Variants in SLC6A9 observed in about 807,000 individuals in gnomAD.
SLC6A9 encodes sodium- and chloride-dependent glycine transporter 1.
In SLC6A9, 31 loss-of-function variants were observed where a neutral mutation model predicts 70.9. That is an observed-to-expected ratio of 0.44 (90% CI 0.33 to 0.59). The LOEUF (loss-of-function observed/expected upper bound fraction) is 0.59, where lower values mean the gene tolerates loss of function less well. Among genes scored for constraint, SLC6A9 ranks in the 20% least tolerant of loss-of-function variants. SLC6A9 has a pLI of 0.04. For missense variants in SLC6A9, 631 were observed against 845.2 expected, an observed-to-expected ratio of 0.75 and a Z score of 3.14; for synonymous variants, 310 against 341.3, an observed-to-expected ratio of 0.91 and a Z score of 1.01.
Position 44,000,967 on chromosome 1 carries a change from A to C in SLC6A9, c.1424T>G (p.Met475Arg). ...GCTCGAGTGCTCACCGTAGATGTACATGATGGCCACACACATGATGCAGGA... is the reference window on the plus strand; with the variant it reads ...GCTCGAGTGCTCACCGTAGATGTACCTGATGGCCACACACATGATGCAGGA... ...VISCIMCVAI[M>R]YIYGHRNYFQ... Residue 475 changes from methionine to arginine, a missense_variant, in exon 11 of 14, where the codon ATG becomes AGG. Transcript: ENST00000372310. 1 of 1,599,790 alleles carries C rather than the reference A, an allele frequency of 6.3e-7. No individual in the cohort carries two copies. Among genetic ancestry groups the C allele is most frequent in the East Asian group, 2.2e-5 (1 of 44,676 alleles).
chr1:44,022,752 T>C (rs2086911374), intron 2 of SLC6A9, among the ~76,000 whole-genome samples: 1 of 125,666 alleles, frequency 8.0e-6, no homozygotes, highest in Admixed American at 9.7e-5. Flanking sequence ...AGAGCCCTGC[T>C]CTATTGCCCA....
chr1:44,017,469 G>A, intron 2 of SLC6A9: 2 of 729,540 alleles, frequency 2.7e-6, no homozygotes, highest in Non-Finnish European at 3.7e-6. Context: ...ACCAGACGCT[G>A]TCTGAGCCCA....
rs11805054 is a variant in SLC6A9 at position 44,018,396 on chromosome 1, A to C, written c.30+5852T>G. ...TCACAAGGTCAGGAGTTTGAGACCA[A>C]CCTGACCAACATGGTGAGACCAACC... On this transcript the variant is annotated intron_variant, in intron 2 of 13. Transcript: ENST00000372310. The surrounding 1 kb of genome is among the most constrained non-coding windows in gnomAD (Gnocchi z 4.2). 0.043 allele frequency among the ~76,000 whole-genome samples: 6,598 copies of C among 151,984 alleles called. 467 individuals carry two copies. Among genetic ancestry groups the C allele is most frequent in the African/African-American group, 0.15 (6,283 of 41,390 alleles).
Position 44,013,620 on chromosome 1 carries a change from G to T in SLC6A9, c.31-2738C>A, listed in dbSNP as rs370058545. Among the ~76,000 whole-genome samples the T allele has an allele frequency of 6.6e-6, 1 of 152,150 alleles. No individual in the cohort carries two copies. The highest frequency in any genetic ancestry group is 2.4e-5 in the African/African-American group (1 of 41,440). On this transcript the variant is annotated intron_variant, in intron 2 of 13. Coordinates refer to ENST00000372310, the MANE Select transcript of SLC6A9 (RefSeq NM_001024845.3). The surrounding 1 kb of genome is among the most constrained non-coding windows in gnomAD (Gnocchi z 5.3). ...TGGGCCTGGGTCCCAGCACTGTGGC[G>T]CTCGACCACGGGAATCTGGCCCAGG...
chr1:44,003,748 CAAAA>C (rs34308293), intron 5 of SLC6A9, among the ~76,000 whole-genome samples: 14 of 71,960 alleles, frequency 1.9e-4, no homozygotes, highest in African/African-American at 7.9e-4. Context: ...AGTCCAATCT[CAAAA>C]AAAAAAAAAA....
Position 44,002,351 on chromosome 1 carries a change from G to A in SLC6A9, c.924C>T (p.Thr308=), listed in dbSNP as rs147301597. The A allele has an allele frequency of 3.1e-6, 5 of 1,614,020 alleles. No individual in the cohort carries two copies. The African/African-American group carries it at 5.3e-5, about 17-fold the overall frequency. Residue 308 remains threonine, a synonymous_variant, in exon 8 of 14, where the codon ACC becomes ACT. Coordinates refer to ENST00000372310, the MANE Select transcript of SLC6A9 (RefSeq NM_001024845.3). The surrounding 1 kb of genome is among the most constrained non-coding windows in gnomAD (Gnocchi z 5.5). ...TGTGGAACTTGTTGTAGGAAGCCAT[G>A]GTGATGAGGCCTCCCCACGCGCAGC... ...SLGCAWGGLI[T]MASYNKFHNN... is the part of the protein sequence containing the mutation.
rs536919484 is a variant in SLC6A9 at position 44,028,522 on chromosome 1, G to A, written c.-86+2784C>T. Among the ~76,000 whole-genome samples the A allele has an allele frequency of 2.7e-3, 412 of 152,304 alleles. 1 individual carries two copies. The highest frequency in any genetic ancestry group is 9.3e-3 in the African/African-American group (387 of 41,552). ...TGTAATCCCAGCACTTTGGGAGGCC[G>A]AGGTGGGTGGATCACCTGAGGTCAG... On this transcript the variant is annotated intron_variant, in intron 1 of 13. Coordinates refer to ENST00000372310, the MANE Select transcript of SLC6A9 (RefSeq NM_001024845.3).
rs909492729 is a variant in SLC6A9 at position 44,013,430 on chromosome 1, G to A, written c.31-2548C>T. Among the ~76,000 whole-genome samples the A allele has an allele frequency of 2.0e-5, 3 of 152,232 alleles. No individual in the cohort carries two copies. Among genetic ancestry groups the A allele is most frequent in the Admixed American group, 6.5e-5 (1 of 15,280 alleles). ...CCAGCCACTGCTCCGTTAATGAGCC[G>A]TGTGCTAACCAGCTTAGCCGTGCGG... On this transcript the variant is annotated intron_variant, in intron 2 of 13. Coordinates refer to ENST00000372310, the MANE Select transcript of SLC6A9 (RefSeq NM_001024845.3). This position sits in a 1 kb window ranked among gnomAD's most constrained non-coding sequence, Gnocchi z 5.3.
Position 44,001,248 on chromosome 1 carries a change from A to AT in SLC6A9, c.1250dup (p.Asn417LysfsTer2), listed in dbSNP as rs1464993416. ...AGGTCTTTTTCTGCAGGATCCACTC[A>AT]TTCCCCACCTCATCCACAATGGCTG... On this transcript the variant is annotated frameshift_variant, in exon 10 of 14. Transcript: ENST00000372310. LOFTEE classifies it high-confidence loss of function. 1 of 1,614,040 alleles carries AT rather than the reference A, an allele frequency of 6.2e-7. No homozygotes were observed. The highest frequency in any genetic ancestry group is 8.5e-7 in the Non-Finnish European group (1 of 1,180,028).
At position 44,013,069 on chromosome 1, in the gene SLC6A9, G is replaced by A. The variant is rs2086627549; in HGVS notation, c.31-2187C>T. ...TCTGTCCCAGGGTTGTTTACTTAGGGGCACAATGCCTGATTGTGCCAGCAG... is the reference window on the plus strand; with the variant it reads ...TCTGTCCCAGGGTTGTTTACTTAGGAGCACAATGCCTGATTGTGCCAGCAG... On this transcript the variant is annotated intron_variant, in intron 2 of 13. Transcript: ENST00000372310. The surrounding 1 kb of genome is among the most constrained non-coding windows in gnomAD (Gnocchi z 5.3). Among the ~76,000 whole-genome samples the A allele has an allele frequency of 6.6e-6, 1 of 152,166 alleles. No homozygotes were observed. The highest frequency in any genetic ancestry group is 1.5e-5 in the Non-Finnish European group (1 of 68,028).
chr1:44,004,149 T>C (rs1035778652), intron 5 of SLC6A9, among the ~76,000 whole-genome samples: 2 of 147,250 alleles, frequency 1.4e-5, no homozygotes, highest in African/African-American at 5.0e-5. Context: ...TATGCACCAA[T>C]ACGCTGGGCT....
intron 2 of SLC6A9, 51 bp from the exon 3 acceptor site, chr1:44,010,933 C>T (rs1210150731): frequency 6.3e-7 from 1 of 1,596,968 alleles, no homozygotes; most frequent in Admixed American, 1.7e-5. Context: ...GTGCTCCATG[C>T]CTGACCCTCT....
intron 1 of SLC6A9, chr1:44,030,615 G>T (rs568451612): frequency 6.6e-6 from 1 of 152,572 alleles, no homozygotes; most frequent in South Asian, 2.1e-4. Flanking sequence ...AACCCCCAGA[G>T]AACTCCCGGC....
intron 1 of SLC6A9, among the ~76,000 whole-genome samples, chr1:44,029,466 C>T (rs1279875280): frequency 6.6e-6 from 1 of 152,152 alleles, no homozygotes; most frequent in East Asian, 1.9e-4. Context: ...TGCCTTTGCC[C>T]CGGCACCCGT....
chr1:44,016,713 T>C (rs1239792860), intron 2 of SLC6A9, among the ~76,000 whole-genome samples: 1 of 152,006 alleles, frequency 6.6e-6, no homozygotes, highest in Non-Finnish European at 1.5e-5. Flanking sequence ...CTGTATTGAT[T>C]AGTACAATTC....
intron 8 of SLC6A9, 105 bp from the exon 9 acceptor site, chr1:44,001,732 T>C: frequency 1.2e-6 from 1 of 819,160 alleles, no homozygotes; most frequent in East Asian, 2.4e-5. Flanking sequence ...CCCAACTCTT[T>C]TTTTTTGGAG....
chr1:44,001,894 A>C (rs1237271709), intron 8 of SLC6A9, among the ~76,000 whole-genome samples: 1 of 152,066 alleles, frequency 6.6e-6, no homozygotes, highest in African/African-American at 2.4e-5. Flanking sequence ...CACCCAGCTA[A>C]TTTTCTTTTT....
intron 2 of SLC6A9, chr1:44,017,104 G>C (rs200465924): frequency 6.2e-7 from 1 of 1,605,398 alleles, no homozygotes; most frequent in Non-Finnish European, 8.5e-7. Flanking sequence ...TGGGGCGAGC[G>C]ATCGCAGCCC....
In SLC6A9 at chr1:44,000,878, G is replaced by C. The variant is rs576484506; in HGVS notation, c.1436-11C>G. ...AGTAGTTCCGGTGCCCTGGAGAGAT[G>C]GGGGGTCAGCAGACCCGCAGGACAG... On this transcript the variant is annotated splice_polypyrimidine_tract_variant and intron_variant, in intron 11 of 13. Transcript: ENST00000372310. 6.3e-7 allele frequency: 1 copy of C among 1,598,752 alleles called. No individual in the cohort carries two copies. Among genetic ancestry groups the C allele is most frequent in the East Asian group, 2.2e-5 (1 of 44,814 alleles).
Sources: allele counts gnomAD v4.1 joint callset (sites outside exome capture counted in the v4.1 genomes callset), GRCh38; gene constraint gnomAD v4.1.1; non-coding constraint Gnocchi (gnomAD v3.1); transcripts MANE v1.5; gene names NCBI Gene and HGNC (gene_info 2026-07-23, HGNC 2026-07-21).